MEIS1: variants seen among roughly 807,000 people sequenced by gnomAD.
The protein encoded by MEIS1 is Meis homeobox 1.
MEIS1 carries 5 observed loss-of-function variants against 50.8 expected under a neutral mutation model. The ratio of observed to expected loss-of-function variants is 0.10; its 90% CI spans 0.05 to 0.21. The LOEUF (loss-of-function observed/expected upper bound fraction) is 0.21, where lower values mean the gene tolerates loss of function less well. Among genes scored for constraint, MEIS1 ranks in the 10% least tolerant of loss-of-function variants. The probability of loss-of-function intolerance (pLI) is 1.00; values close to 1 mark genes in which losing one functional copy is unlikely to be tolerated. For synonymous variants in MEIS1, 176 were observed against 179.3 expected (o/e 0.98, Z 0.15); for missense variants, 318 against 517.3 (o/e 0.61, Z 3.74).
chr2:66,548,124 C>T (rs1674834700), intron 9 of MEIS1, 105 bp downstream of exon 9: 1 of 1,055,022 alleles, frequency 9.5e-7, no homozygotes, highest in East Asian at 2.4e-5. Flanking sequence ...ACTGCTTTCC[C>T]TGGTGGCTTG....
chr2:66,525,340 A>G (rs1381541575), intron 8 of MEIS1, among the ~76,000 whole-genome samples: 41 of 152,200 alleles, frequency 2.7e-4, no homozygotes, highest in Non-Finnish European at 1.2e-4. Flanking sequence ...GGGGCCTGAG[A>G]TTCTGCATTT....
At chr2:66,521,251 A>C (rs1674111685) in intron 8 of MEIS1, among the ~76,000 whole-genome samples, 1 of 152,210 alleles carries the variant, frequency 6.6e-6, no homozygotes, top group African/African-American at 2.4e-5. Flanking sequence ...GTAATTCTCT[A>C]CCCATGTCTG....
Position 66,435,736 on chromosome 2 carries a change from C to A in MEIS1, c.-121C>A. On this transcript the variant is annotated 5_prime_UTR_variant, in exon 1 of 13. Transcript: ENST00000272369. ...TTGCTGGAGACGTTAAGGGATTTTT[C>A]GTCGTGCTTTTTTTTTTTTTTTTTT... is the stretch of plus-strand genomic sequence containing the variant. The A allele has an allele frequency of 1.3e-6, 1 of 762,342 alleles. No individual in the cohort carries two copies. The highest frequency in any genetic ancestry group is 1.9e-6 in the Non-Finnish European group (1 of 538,436). 47.2% of individuals were successfully genotyped at this position (762,342 alleles called of 1,614,324 possible).
intron 8 of MEIS1, among the ~76,000 whole-genome samples, chr2:66,517,528 C>CGAAT (rs1673999851): frequency 6.6e-6 from 1 of 152,182 alleles, no homozygotes; most frequent in Non-Finnish European, 1.5e-5. Flanking sequence ...CTGCCATTCA[C>CGAAT]CTTCACCTCT....
rs144167841 is a variant in MEIS1, at chr2:66,442,814, A to G, written c.484-88A>G. 10 of 1,277,806 alleles carry G rather than the reference A, an allele frequency of 7.8e-6. No homozygotes were observed. The Middle Eastern group carries it at 1.4e-3, about 174-fold the overall frequency. The allele number at this position is 1,277,806 out of a possible 1,614,324, so 79.2% of individuals were successfully genotyped here. The stretch of plus-strand genomic sequence containing the variant: ...GTGTTTCCCCTATTTGGAAGTTTGG[A>G]TCTCACAAGGGGGGTGGATTGCACT... On this transcript the variant is annotated intron_variant, in intron 5 of 12. Coordinates refer to ENST00000272369, the MANE Select transcript of MEIS1 (RefSeq NM_002398.3).
At chr2:66,441,383 TG>T (rs748498404) in intron 4 of MEIS1, 30 bp from the exon 5 acceptor site, 1 of 1,536,538 alleles carries the variant, frequency 6.5e-7, no homozygotes. Flanking sequence ...AAGCCAGGAA[TG>T]GGGTGCTTAT....
intron 7 of MEIS1, among the ~76,000 whole-genome samples, chr2:66,494,356 G>A (rs560345001): frequency 1.3e-5 from 2 of 152,226 alleles, no homozygotes; most frequent in South Asian, 2.1e-4. Context: ...TTTTTCTGTA[G>A]AGAAACGAAA....
chr2:66,474,188 C>G (rs1339121124), intron 7 of MEIS1, among the ~76,000 whole-genome samples: 1 of 152,210 alleles, frequency 6.6e-6, no homozygotes, highest in South Asian at 2.1e-4. Context: ...TGCCATCCAC[C>G]TAATCACTTG....
chr2:66,464,976 C>T (rs1672601040), intron 7 of MEIS1, among the ~76,000 whole-genome samples: 1 of 152,118 alleles, frequency 6.6e-6, no homozygotes, highest in Admixed American at 6.5e-5. Flanking sequence ...TCCATTAATG[C>T]AATTAAAGTT....
intron 9 of MEIS1, among the ~76,000 whole-genome samples, chr2:66,553,676 G>A (rs1674981660): frequency 6.6e-6 from 1 of 152,208 alleles, no homozygotes; most frequent in Non-Finnish European, 1.5e-5. Context: ...GAGTTCAACA[G>A]AGACACTGCT....
intron 9 of MEIS1, among the ~76,000 whole-genome samples, chr2:66,555,380 G>C (rs959805234): frequency 5.0e-4 from 73 of 145,926 alleles, no homozygotes; most frequent in Non-Finnish European, 1.2e-4. Flanking sequence ...CTGTATGTAA[G>C]AGCAGATTTG....
intron 7 of MEIS1, among the ~76,000 whole-genome samples, chr2:66,507,436 C>T (rs774891492): frequency 2.0e-5 from 3 of 152,206 alleles, no homozygotes; most frequent in South Asian, 2.1e-4. Context: ...CAACCTTACA[C>T]GTTCATTTGC....
intron 5 of MEIS1, 59 bp downstream of exon 5, chr2:66,441,523 G>C (rs1671982582): frequency 2.2e-6 from 3 of 1,364,578 alleles, no homozygotes; most frequent in Admixed American, 3.0e-5. Flanking sequence ...ACACAGGGGG[G>C]AGGGTTCCGA....
At chr2:66,549,565 A>G (rs138222043) in intron 9 of MEIS1, among the ~76,000 whole-genome samples, 1 of 151,976 alleles carries the variant, frequency 6.6e-6, no homozygotes, top group African/African-American at 2.4e-5. Flanking sequence ...TATAGGGGAG[A>G]CCATCAATTT....
intron 3 of MEIS1, 67 bp from the exon 4 acceptor site, chr2:66,440,495 A>C: frequency 2.2e-6 from 3 of 1,386,174 alleles, no homozygotes; most frequent in Non-Finnish European, 3.0e-6. Flanking sequence ...GAAGGCGACC[A>C]GATTTCAAAT....
rs904901614 is a variant in MEIS1, at chr2:66,572,253, A to T, written c.*1045A>T. On this transcript the variant is annotated 3_prime_UTR_variant, in exon 13 of 13. Transcript: ENST00000272369. ...AAGCCTAATTGTCACATCAAGCATC[A>T]TTGTCCCCATGCAACAACCACCACC... 1 of 152,158 alleles carries T rather than the reference A, an allele frequency of 6.6e-6. No homozygotes were observed. Among genetic ancestry groups the T allele is most frequent in the African/African-American group, 2.4e-5 (1 of 41,400 alleles). 9.4% of individuals were successfully genotyped at this position (152,158 alleles called of 1,614,324 possible).
chr2:66,503,269 C>T (rs11903750), intron 7 of MEIS1, among the ~76,000 whole-genome samples: 2,450 of 152,208 alleles, frequency 0.016, 69 homozygotes, highest in African/African-American at 0.056. Context: ...GGATGAACAC[C>T]CACAACCTGC....
Position 66,437,873 on chromosome 2 carries a change from A to C in MEIS1, c.149A>C (p.Tyr50Ser). 6.2e-7 allele frequency: 1 copy of C among 1,612,690 alleles called. No individual in the cohort carries two copies. The highest frequency in any genetic ancestry group is 8.5e-7 in the Non-Finnish European group (1 of 1,179,318). ...NHGPPLHSHQ[Y>S]PHTAHTNAMA... Reference sequence around the variant, plus strand: ...GGGCCTCCTCTGCACTCGCATCAGTACCCGCACACAGCTCATACCAACGCC... The same window carrying C: ...GGGCCTCCTCTGCACTCGCATCAGTCCCCGCACACAGCTCATACCAACGCC... Residue 50 changes from tyrosine to serine, a missense_variant, in exon 2 of 13, where the codon TAC (tyrosine) becomes TCC (serine). Around this residue, in one of 6 missense-constraint regions of MEIS1, gnomAD observed 100 missense variants for 107.1 expected, o/e 0.93. Coordinates refer to ENST00000272369, the MANE Select transcript of MEIS1 (RefSeq NM_002398.3).
intron 6 of MEIS1, chr2:66,443,250 G>A (rs1372542740): frequency 5.4e-6 from 3 of 554,012 alleles, no homozygotes; most frequent in South Asian, 2.9e-5. Context: ...CTGAAGAGAT[G>A]AGCTTGTAAA....
Sources: allele counts gnomAD v4.1 joint callset (sites outside exome capture counted in the v4.1 genomes callset), GRCh38; gene constraint gnomAD v4.1.1; regional missense constraint gnomAD v4.1.1; transcripts MANE v1.5; gene names NCBI Gene and HGNC (gene_info 2026-07-23, HGNC 2026-07-21).